PALD1: variants seen among roughly 807,000 people sequenced by gnomAD.
PALD1 encodes phosphatase domain containing paladin 1, also known as paladin.
A neutral mutation model predicts 96.0 loss-of-function variants in PALD1; 57 were observed. The observed-to-expected ratio is 0.59, with a 90% CI of 0.48 to 0.74. The LOEUF (loss-of-function observed/expected upper bound fraction) is 0.74, where lower values mean the gene tolerates loss of function less well. PALD1 is among the 30% of genes least tolerant of loss of function. The pLI is 0.00. For missense variants in PALD1, 1,063 were observed against 1,143.7 expected (o/e 0.93, Z 1.02); for synonymous variants, 464 against 473.6 (o/e 0.98, Z 0.26).
At chr10:70,480,815 G>A (rs1003794516) in intron 1 of PALD1, among the ~76,000 whole-genome samples, 15 of 152,204 alleles carry the variant, frequency 9.9e-5, no homozygotes, top group African/African-American at 3.1e-4. Flanking sequence ...GGGATGCCCC[G>A]TGTGGGCAGA....
the PALD1 span, among the ~76,000 whole-genome samples, chr10:70,470,949 G>A: frequency 6.6e-6 from 1 of 151,492 alleles, no homozygotes; most frequent in African/African-American, 2.4e-5. Flanking sequence ...TTACAGGCAT[G>A]CGCCACCACA....
intron 17 of PALD1, among the ~76,000 whole-genome samples, chr10:70,543,315 G>A (rs1847292443): frequency 6.6e-6 from 1 of 152,112 alleles, no homozygotes; most frequent in South Asian, 2.1e-4. Context: ...ATGTAAATAT[G>A]TTCTCTATTC....
At chr10:70,485,275 C>G (rs1320480321) in intron 1 of PALD1, 1 of 152,068 alleles carries the variant, frequency 6.6e-6, no homozygotes, top group Non-Finnish European at 1.5e-5. Flanking sequence ...TATGTTTATT[C>G]CCTGTTATAC....
intron 18 of PALD1, among the ~76,000 whole-genome samples, chr10:70,555,536 G>T (rs1192276567): frequency 1.3e-5 from 2 of 152,214 alleles, no homozygotes; most frequent in Admixed American, 1.3e-4. Context: ...GCTGCCAGCC[G>T]CTACTGTGTG....
intron 1 of PALD1, among the ~76,000 whole-genome samples, chr10:70,504,774 T>C (rs532010646): frequency 6.6e-6 from 1 of 152,328 alleles, no homozygotes; most frequent in African/African-American, 2.4e-5. Context: ...TTGACTGAAG[T>C]ATGGTGAAGA....
At position 70,539,190 on chromosome 10, in the gene PALD1, C is replaced by T. The variant is rs147358294; in HGVS notation, c.1668C>T (p.Asp556=). 74 of 1,613,008 alleles carry T rather than the reference C, an allele frequency of 4.6e-5. No individual in the cohort carries two copies. The African/African-American group carries it at 7.5e-4, about 16-fold the overall frequency. ...SLREEAVLEC[D]GHTYSLRWPG... ...GGGAGGAGGCCGTGTTGGAGTGTGA[C>T]GGGCACACCTACAGCCTGCGGTGGC... Residue 556 remains aspartate (D), a synonymous_variant, in exon 14 of 20, where the codon GAC becomes GAT. Transcript: ENST00000263563. The surrounding 1 kb of genome is among the most constrained non-coding windows in gnomAD (Gnocchi z 4.5).
At chr10:70,528,043 T>G (rs1478037172) in intron 2 of PALD1, among the ~76,000 whole-genome samples, 1 of 152,188 alleles carries the variant, frequency 6.6e-6, no homozygotes, top group Non-Finnish European at 1.5e-5. Flanking sequence ...TGGTTTTTTG[T>G]CCTTGCGATG....
the PALD1 span, among the ~76,000 whole-genome samples, chr10:70,467,459 G>T: frequency 6.6e-6 from 1 of 151,772 alleles, no homozygotes; most frequent in African/African-American, 2.4e-5. Flanking sequence ...GAGAGTGAGG[G>T]GAGCCACTGA....
chr10:70,461,430 G>A, the PALD1 span, among the ~76,000 whole-genome samples: 1 of 152,350 alleles, frequency 6.6e-6, no homozygotes, highest in East Asian at 1.9e-4. Context: ...GCTCCACAGG[G>A]CTGTCTGGTT....
the PALD1 span, among the ~76,000 whole-genome samples, chr10:70,473,625 C>T: frequency 6.6e-6 from 1 of 150,856 alleles, no homozygotes; most frequent in African/African-American, 2.4e-5. Flanking sequence ...ATAGAAGGGG[C>T]TCCATAAATG....
intron 1 of PALD1, among the ~76,000 whole-genome samples, chr10:70,507,262 ATT>A (rs1478349100): frequency 6.6e-6 from 1 of 151,120 alleles, no homozygotes; most frequent in Non-Finnish European, 1.5e-5. Context: ...AAAAAAAAAA[ATT>A]AGCCGGGCAT....
At chr10:70,530,689 AC>A (rs1846973965) in intron 4 of PALD1, among the ~76,000 whole-genome samples, 1 of 151,904 alleles carries the variant, frequency 6.6e-6, no homozygotes. Context: ...ATCTGAATTG[AC>A]CCCGGAGTTA....
In PALD1 at chr10:70,532,743, G is replaced by A. The variant is rs1847020739; in HGVS notation, c.756G>A (p.Glu252=). The change falls in exon 6 of 20, where the codon GAG becomes GAA. Residue 252 remains glutamate, a synonymous_variant. Coordinates refer to ENST00000263563, the MANE Select transcript of PALD1 (RefSeq NM_014431.3). The part of the protein sequence containing the change: ...HGEDDLHVTE[E]VYKRPLFLQP... Reference sequence around the variant, plus strand: ...AGGACGACTTGCATGTGACGGAGGAGGTGTACAAGCGGCCCCTCTTCCTGC... The same window carrying A: ...AGGACGACTTGCATGTGACGGAGGAAGTGTACAAGCGGCCCCTCTTCCTGC... The A allele has an allele frequency of 3.7e-6, 6 of 1,614,196 alleles. No homozygotes were observed. The East Asian group carries it at 6.7e-5, about 18-fold the overall frequency.
At chr10:70,487,804 A>G (rs1385227111) in intron 1 of PALD1, among the ~76,000 whole-genome samples, 1 of 152,246 alleles carries the variant, frequency 6.6e-6, no homozygotes, top group Non-Finnish European at 1.5e-5. Flanking sequence ...AGTCCTGGGC[A>G]TGCAGCCAAC....
At chr10:70,512,276 G>A (rs1846530073) in intron 1 of PALD1, among the ~76,000 whole-genome samples, 1 of 152,086 alleles carries the variant, frequency 6.6e-6, no homozygotes, top group African/African-American at 2.4e-5. Flanking sequence ...CCCTGCTTCT[G>A]GGGGATGAAG....
At chr10:70,466,676 C>T in the PALD1 span, among the ~76,000 whole-genome samples, 3 of 152,166 alleles carry the variant, frequency 2.0e-5, no homozygotes, top group East Asian at 1.9e-4. Flanking sequence ...AAACAATCAC[C>T]GAGGCTTTTA....
At chr10:70,489,435 G>A (rs531315491) in intron 1 of PALD1, among the ~76,000 whole-genome samples, 1 of 152,258 alleles carries the variant, frequency 6.6e-6, no homozygotes, top group South Asian at 2.1e-4. Flanking sequence ...TGCCTTAATT[G>A]TAAGACATGG....
At chr10:70,503,452 A>G (rs1408440778) in intron 1 of PALD1, among the ~76,000 whole-genome samples, 3 of 152,218 alleles carry the variant, frequency 2.0e-5, no homozygotes, top group Middle Eastern at 6.8e-3. Context: ...CCTGGCCAAC[A>G]TGGCAAAACC....
chr10:70,508,887 C>G (rs111916439), intron 1 of PALD1, among the ~76,000 whole-genome samples: 1 of 44,786 alleles, frequency 2.2e-5, no homozygotes, highest in African/African-American at 1.0e-4. Flanking sequence ...GGACCAGGCC[C>G]AGGGCAGGTG....
Sources: allele counts gnomAD v4.1 joint callset (sites outside exome capture counted in the v4.1 genomes callset), GRCh38; gene constraint gnomAD v4.1.1; non-coding constraint Gnocchi (gnomAD v3.1); transcripts MANE v1.5; gene names NCBI Gene and HGNC (gene_info 2026-07-23, HGNC 2026-07-21).